Variants in CLSTN2 observed in about 807,000 individuals in gnomAD.
The protein encoded by CLSTN2 is calsyntenin 2, also known as calsyntenin-2.
A neutral mutation model predicts 101.2 loss-of-function variants in CLSTN2; 48 were observed. The ratio of observed to expected loss-of-function variants is 0.47; its 90% confidence interval spans 0.38 to 0.60. CLSTN2 has a LOEUF of 0.60. CLSTN2 is among the 20% of genes least tolerant of loss of function. The pLI is 0.00. For missense variants in CLSTN2, 1,160 were observed against 1,238.2 expected (o/e 0.94, Z 0.95); for synonymous variants, 481 against 463.6 (o/e 1.04, Z -0.48).
intron 8 of CLSTN2, among the ~76,000 whole-genome samples, chr3:140,511,541 CTTTTTTTTTTTTTTTTTT>C (rs59924727): frequency 2.8e-5 from 2 of 70,848 alleles, no homozygotes; most frequent in African/African-American, 1.4e-4. Context: ...TGTTTCTGGA[CTTTTTTTTTTTTTTTTTT>C]TTTTTTTTGA....
chr3:140,524,165 G>A (rs1935090016), intron 8 of CLSTN2, among the ~76,000 whole-genome samples: 1 of 152,192 alleles, frequency 6.6e-6, no homozygotes, highest in South Asian at 2.1e-4. Context: ...CTGAGGCCAG[G>A]GATCACAGGA....
intron 8 of CLSTN2, among the ~76,000 whole-genome samples, chr3:140,467,774 T>TA (rs1933743575): frequency 1.3e-5 from 2 of 150,188 alleles, no homozygotes; most frequent in Non-Finnish European, 3.0e-5. Context: ...CCCCACCCTC[T>TA]CTCTGTTCCA....
At chr3:140,388,682 T>C (rs1162472574) in intron 2 of CLSTN2, among the ~76,000 whole-genome samples, 1 of 152,220 alleles carries the variant, frequency 6.6e-6, no homozygotes, top group Middle Eastern at 3.2e-3. Context: ...CTTCTCTGTA[T>C]AATGGAAGAG....
intron 2 of CLSTN2, among the ~76,000 whole-genome samples, chr3:140,350,080 C>T (rs999843579): frequency 3.9e-5 from 6 of 152,230 alleles, no homozygotes; most frequent in African/African-American, 1.2e-4. Flanking sequence ...CTTTTTACTA[C>T]ACGCACACCT....
chr3:140,012,976 TA>T (rs2007119206), intron 1 of CLSTN2, among the ~76,000 whole-genome samples: 1 of 151,720 alleles, frequency 6.6e-6, no homozygotes, highest in Non-Finnish European at 1.5e-5. Flanking sequence ...ATAGCAGCTT[TA>T]GGGGGAAGAG....
At chr3:140,017,563 C>T (rs1213926145) in intron 1 of CLSTN2, among the ~76,000 whole-genome samples, 1 of 152,194 alleles carries the variant, frequency 6.6e-6, no homozygotes, top group Non-Finnish European at 1.5e-5. Context: ...TGCCCCTCCA[C>T]CTCCAGGCAC....
At chr3:140,314,706 C>T (rs2087212191) in intron 2 of CLSTN2, among the ~76,000 whole-genome samples, 1 of 152,090 alleles carries the variant, frequency 6.6e-6, no homozygotes, top group African/African-American at 2.4e-5. Context: ...TGGGACCCAA[C>T]CATCATTTTG....
At chr3:140,384,503 A>T (rs1213269062) in intron 2 of CLSTN2, among the ~76,000 whole-genome samples, 2 of 152,170 alleles carry the variant, frequency 1.3e-5, no homozygotes, top group Admixed American at 1.3e-4. Context: ...GTCATATCGA[A>T]GGTGCTTGTT....
At chr3:140,322,603 G>A (rs1271275898) in intron 2 of CLSTN2, among the ~76,000 whole-genome samples, 1 of 152,186 alleles carries the variant, frequency 6.6e-6, no homozygotes, top group African/African-American at 2.4e-5. Flanking sequence ...TTTTATTTCT[G>A]TTGAACCTTA....
intron 9 of CLSTN2, among the ~76,000 whole-genome samples, chr3:140,533,491 C>T (rs570062920): frequency 2.0e-4 from 30 of 152,080 alleles, no homozygotes; most frequent in African/African-American, 6.3e-4. Flanking sequence ...GGGCAGATCA[C>T]GAGGTCAGGA....
chr3:140,320,371 C>G (rs1488109615), intron 2 of CLSTN2, among the ~76,000 whole-genome samples: 8 of 152,090 alleles, frequency 5.3e-5, no homozygotes, highest in African/African-American at 1.9e-4. Flanking sequence ...AAAGTAACAA[C>G]CTGATCACCT....
intron 1 of CLSTN2, among the ~76,000 whole-genome samples, chr3:139,959,746 C>G (rs948238076): frequency 6.6e-6 from 1 of 152,140 alleles, no homozygotes; most frequent in African/African-American, 2.4e-5. Context: ...ACCCCGCCCC[C>G]CTTTTTTTAC....
At chr3:140,455,963 A>T (rs1387947817) in intron 6 of CLSTN2, among the ~76,000 whole-genome samples, 1 of 152,156 alleles carries the variant, frequency 6.6e-6, no homozygotes, top group African/African-American at 2.4e-5. Flanking sequence ...GCCCCACCTT[A>T]TGGCTTTGCC....
chr3:140,460,524 A>G (rs1933532919), intron 7 of CLSTN2, among the ~76,000 whole-genome samples: 1 of 152,220 alleles, frequency 6.6e-6, no homozygotes, highest in East Asian at 1.9e-4. Context: ...TATTCTAAAC[A>G]CAAGTCTCTA....
chr3:140,534,137 C>T (rs1388434934), intron 9 of CLSTN2, among the ~76,000 whole-genome samples: 1 of 152,184 alleles, frequency 6.6e-6, no homozygotes, highest in Non-Finnish European at 1.5e-5. Context: ...ATCAATAACA[C>T]TGAACACAAC....
At chr3:139,956,762 A>G (rs1002527670) in intron 1 of CLSTN2, among the ~76,000 whole-genome samples, 1 of 152,204 alleles carries the variant, frequency 6.6e-6, no homozygotes, top group Non-Finnish European at 1.5e-5. Context: ...TTCACCAGTA[A>G]TAGGATTCCC....
chr3:140,041,613 A>G (rs981321714), intron 1 of CLSTN2, among the ~76,000 whole-genome samples: 1 of 152,180 alleles, frequency 6.6e-6, no homozygotes, highest in Admixed American at 6.5e-5. Context: ...AACTCCTTGT[A>G]GCTTTGAAAG....
chr3:140,438,295 C>T (rs1468193463), intron 5 of CLSTN2, among the ~76,000 whole-genome samples: 1 of 151,742 alleles, frequency 6.6e-6, no homozygotes, highest in African/African-American at 2.4e-5. Context: ...TAGAGGGTAT[C>T]AGTGTATTCA....
At chr3:140,298,566 G>T (rs1423725482) in intron 2 of CLSTN2, among the ~76,000 whole-genome samples, 1 of 152,196 alleles carries the variant, frequency 6.6e-6, no homozygotes, top group Non-Finnish European at 1.5e-5. Flanking sequence ...AGCCTGAGCA[G>T]GGTTTGTCCC....
Sources: gnomAD v4.1 joint callset for allele counts (sites outside exome capture counted in the v4.1 genomes callset) on GRCh38, gnomAD v4.1.1 for gene constraint, MANE v1.5 for transcripts, NCBI Gene and HGNC (gene_info 2026-07-23, HGNC 2026-07-21) for gene names.